BANP: variants seen among roughly 807,000 people sequenced by gnomAD.
BANP encodes protein BANP.
BANP carries 11 observed loss-of-function variants against 68.1 expected under a neutral mutation model. The observed-to-expected ratio is 0.16, with a 90% confidence interval of 0.10 to 0.27. BANP has a LOEUF of 0.27. BANP is among the 10% of genes least tolerant of loss of function. BANP has a pLI of 1.00. For missense variants in BANP, 504 were observed against 722.7 expected, an observed-to-expected ratio of 0.70 and a Z score of 3.47; for synonymous variants, 329 against 303.2, an observed-to-expected ratio of 1.09 and a Z score of -0.88.
chr16:87,969,594 G>A (rs1007788139), intron 1 of BANP, among the ~76,000 whole-genome samples: 11 of 149,902 alleles, frequency 7.3e-5, no homozygotes, highest in South Asian at 2.1e-4. Flanking sequence ...GTGCAATGGC[G>A]TGATCTCAGC....
chr16:88,037,979 C>T lies in BANP; in HGVS notation c.1279C>T (p.Leu427Phe). 1 of 1,613,794 alleles carries T rather than the reference C, an allele frequency of 6.2e-7. No individual in the cohort carries two copies. Among genetic ancestry groups the T allele is most frequent in the Non-Finnish European group, 8.5e-7 (1 of 1,179,834 alleles). The change falls in exon 11 of 14, where the codon CTC (leucine) becomes TTC (phenylalanine). Residue 427 changes from leucine to phenylalanine, a missense_variant. Leu to Phe is a conservative substitution (Grantham distance 22). This residue lies in a region of BANP where 223 missense variants were observed against 246.2 expected (regional missense o/e 0.91). Transcript: ENST00000682872. ...VQITQDSEGN[L>F]QIHHVGQDGQ... is the part of the protein sequence containing the mutation. ...CTCCTCTCGTTCTTTGTAGGGCAAC[C>T]TCCAGATCCATCACGTGGGGCAGGA...
Position 87,958,513 on chromosome 16 carries a change from G to A in BANP, c.-69+6998G>A, listed in dbSNP as rs142432608. Reference sequence around the variant, plus strand: ...ATTTGACTGAATTTGGGTAACTCTGGATGTAGTGTATAAAGTACTTTTTAA... The same window carrying A: ...ATTTGACTGAATTTGGGTAACTCTGAATGTAGTGTATAAAGTACTTTTTAA... On this transcript the variant is annotated intron_variant, in intron 1 of 13. Coordinates refer to ENST00000682872, the MANE Select transcript of BANP (RefSeq NM_001386991.1). Among the ~76,000 whole-genome samples the A allele has an allele frequency of 3.4e-3, 516 of 152,290 alleles. 1 individual carries two copies. The highest frequency in any genetic ancestry group is 0.012 in the African/African-American group (484 of 41,556).
chr16:88,042,967 TA>T (rs2081180579), intron 11 of BANP, among the ~76,000 whole-genome samples: 1 of 152,182 alleles, frequency 6.6e-6, no homozygotes, highest in Admixed American at 6.5e-5. Context: ...TTAAAATACT[TA>T]AAAAATTATT....
intron 7 of BANP, among the ~76,000 whole-genome samples, chr16:88,019,189 C>T (rs969292826): frequency 5.3e-5 from 8 of 152,168 alleles, no homozygotes; most frequent in African/African-American, 1.2e-4. Flanking sequence ...CGGCCTGTGA[C>T]GTCTCCGTCC....
At chr16:87,975,228 T>C in intron 2 of BANP, 43 bp downstream of exon 2, 1 of 1,601,630 alleles carries the variant, frequency 6.2e-7, no homozygotes, top group Non-Finnish European at 8.6e-7. Flanking sequence ...ATTCTCTTTA[T>C]TCTTCAAAAA....
intron 13 of BANP, among the ~76,000 whole-genome samples, chr16:88,073,926 G>GT (rs763481836): frequency 2.6e-5 from 4 of 152,224 alleles, no homozygotes; most frequent in South Asian, 2.1e-4. Context: ...AGGATCCATC[G>GT]TAACAGCCAA....
rs2085455681 is a variant in BANP, at chr16:88,057,718, A to G, written c.1312-7549A>G. Among the ~76,000 whole-genome samples the G allele has an allele frequency of 8.4e-6, 1 of 119,358 alleles. No homozygotes were observed. The highest frequency in any genetic ancestry group is 3.2e-5 in the African/African-American group (1 of 31,174). The allele number at this position is 119,358 out of a possible 152,430, so 78.3% of individuals were successfully genotyped here. ...ACTGTGCGAGACAGTCTGACTTCTG[A>G]CAAGTAAGAGAGATGGCGGGGCCAT... On this transcript the variant is annotated intron_variant, in intron 11 of 13. Transcript: ENST00000682872. The surrounding 1 kb of genome is among the most constrained non-coding windows in gnomAD (Gnocchi z 4.6).
chr16:88,053,802 C>T (rs1053176081), intron 11 of BANP, among the ~76,000 whole-genome samples: 1 of 150,414 alleles, frequency 6.6e-6, no homozygotes, highest in Non-Finnish European at 1.5e-5. Context: ...CCACCACCAC[C>T]TCTACTATCT....
At chr16:88,029,912 C>G (rs188772881) in intron 8 of BANP, among the ~76,000 whole-genome samples, 1 of 152,298 alleles carries the variant, frequency 6.6e-6, no homozygotes, top group South Asian at 2.1e-4. Context: ...GAGGGTTACA[C>G]GGGGGCCTTC....
chr16:87,984,328 G>T (rs1019983866), intron 4 of BANP, 69 bp downstream of exon 4: 255 of 1,379,940 alleles, frequency 1.8e-4, no homozygotes, highest in Non-Finnish European at 2.4e-4. Context: ...CCTCGCCCAG[G>T]CCCGCAGCTT....
In BANP at chr16:88,074,193, T is replaced by C. The variant is rs543090610; in HGVS notation, c.1521+1981T>C. Among the ~76,000 whole-genome samples, 22 of 150,140 alleles carry C rather than the reference T, an allele frequency of 1.5e-4. 1 individual carries two copies. The East Asian group carries it at 4.5e-3, about 31-fold the overall frequency. On this transcript the variant is annotated intron_variant, in intron 13 of 13. Transcript: ENST00000682872. ...ACAGAGACAGGTTTCTGGTTGAGCC[T>C]CCTTATCCACATGAAGCCCCCACCC...
In BANP at chr16:87,975,189, C is replaced by G; in HGVS notation, c.70+4C>G. On this transcript the variant is annotated splice_donor_region_variant and intron_variant, in intron 2 of 13. Coordinates refer to ENST00000682872, the MANE Select transcript of BANP (RefSeq NM_001386991.1). ...GACCTGAGCCCTGACCACCCAGGTACAGAGCTGTGGGACAGTAGGTGAAAT... is the reference window on the plus strand; with the variant it reads ...GACCTGAGCCCTGACCACCCAGGTAGAGAGCTGTGGGACAGTAGGTGAAAT... 1.2e-6 allele frequency: 2 copies of G among 1,613,908 alleles called. No homozygotes were observed. Among genetic ancestry groups the G allele is most frequent in the Non-Finnish European group, 8.5e-7 (1 of 1,179,782 alleles).
At chr16:88,022,458 C>G (rs2076207429) in intron 7 of BANP, among the ~76,000 whole-genome samples, 1 of 152,208 alleles carries the variant, frequency 6.6e-6, no homozygotes, top group South Asian at 2.1e-4. Context: ...CAGGGTTGAC[C>G]TGTCAGATGA....
At chr16:88,027,860 C>G (rs1162662636) in intron 8 of BANP, among the ~76,000 whole-genome samples, 3 of 152,374 alleles carry the variant, frequency 2.0e-5, no homozygotes, top group Non-Finnish European at 4.4e-5. Context: ...CGGGCCTGCT[C>G]CAGGCTCCTC....
At chr16:88,073,801 C>T (rs919202970) in intron 13 of BANP, among the ~76,000 whole-genome samples, 1 of 152,226 alleles carries the variant, frequency 6.6e-6, no homozygotes, top group South Asian at 2.1e-4. Flanking sequence ...GGTCATTTTC[C>T]GATTTCAGAA....
chr16:87,987,175 C>G (rs1392092048), intron 4 of BANP, among the ~76,000 whole-genome samples: 1 of 151,880 alleles, frequency 6.6e-6, no homozygotes, highest in African/African-American at 2.4e-5. Flanking sequence ...GCCTCCCAGG[C>G]TCAAGCAATT....
chr16:88,048,987 CAT>C (rs1432756810), intron 11 of BANP, among the ~76,000 whole-genome samples: 1 of 152,166 alleles, frequency 6.6e-6, no homozygotes, highest in African/African-American at 2.4e-5. Flanking sequence ...CTGCAGACCA[CAT>C]GTTTCCTCTG....
At position 88,039,692 on chromosome 16, in the gene BANP, C is replaced by T. The variant is rs184949974; in HGVS notation, c.1311+1681C>T. Among the ~76,000 whole-genome samples, 4 of 142,876 alleles carry T rather than the reference C, an allele frequency of 2.8e-5. 1 individual carries two copies. The East Asian group carries it at 8.5e-4, about 30-fold the overall frequency. The allele number at this position is 142,876 out of a possible 152,430, so 93.7% of individuals were successfully genotyped here. A position where few individuals can be genotyped will look rare whatever the true frequency, so the allele number is the denominator to read the frequency against. ...GGACAGAGATTCCAGCTTTTCTCAG[C>T]AGGCATGGAGGCCCGTTGGCTCCAG... On this transcript the variant is annotated intron_variant, in intron 11 of 13. Coordinates refer to ENST00000682872, the MANE Select transcript of BANP (RefSeq NM_001386991.1).
intron 9 of BANP, among the ~76,000 whole-genome samples, chr16:88,034,499 T>A (rs2078880290): frequency 5.9e-5 from 9 of 152,338 alleles, no homozygotes; most frequent in African/African-American, 1.9e-4. Context: ...TTTATTAGTG[T>A]TTACTGAAAC....
Sources: gnomAD v4.1 joint callset for allele counts (sites outside exome capture counted in the v4.1 genomes callset) on GRCh38, gnomAD v4.1.1 for gene constraint, gnomAD v4.1.1 regional missense constraint, Gnocchi (gnomAD v3.1) non-coding constraint, MANE v1.5 for transcripts, NCBI Gene and HGNC (gene_info 2026-07-23, HGNC 2026-07-21) for gene names.